TYR: variants seen among roughly 807,000 people sequenced by gnomAD.
TYR encodes the protein LB24-AB.
Under a neutral mutation model 51.5 loss-of-function variants are expected in TYR, and 58 were observed. The ratio of observed to expected loss-of-function variants is 1.13; its 90% CI spans 0.91 to 1.40. The LOEUF (loss-of-function observed/expected upper bound fraction) is 1.40, where lower values mean the gene tolerates loss of function less well. TYR is among the 40% of genes most tolerant of loss of function. The pLI is 0.00. For missense variants in TYR, 732 were observed against 647.4 expected, an observed-to-expected ratio of 1.13 and a Z score of -1.42; for synonymous variants, 263 against 235.2, an observed-to-expected ratio of 1.12 and a Z score of -1.08.
chr11:89,259,681 C>G (rs1426513749), intron 3 of TYR, among the ~76,000 whole-genome samples: 1 of 152,060 alleles, frequency 6.6e-6, no homozygotes, highest in Non-Finnish European at 1.5e-5. Context: ...CTTACCCTAC[C>G]TAAAACCAGA....
rs183578061 is a variant in TYR at position 89,236,974 on chromosome 11, G to A, written c.1184+9004G>A. Among the ~76,000 whole-genome samples, 602 of 152,208 alleles carry A rather than the reference G, an allele frequency of 4.0e-3. 5 individuals are homozygous for A. Among genetic ancestry groups the A allele is most frequent in the African/African-American group, 0.014 (575 of 41,526 alleles). ...TTCAGTGACCTCAGGTCGGTATCCT[G>A]AAATCAGCCATGGTGAGAGTATTTA... On this transcript the variant is annotated intron_variant, in intron 3 of 4. Transcript: ENST00000263321.
At chr11:89,202,721 G>C (rs1223476631) in intron 2 of TYR, among the ~76,000 whole-genome samples, 1 of 151,508 alleles carries the variant, frequency 6.6e-6, no homozygotes, top group African/African-American at 2.4e-5. Context: ...CAGGCATACA[G>C]GGCAGCTCTG....
chr11:89,197,412 C>T lies in TYR; in HGVS notation c.1036+5994C>T, dbSNP rs910854197. Reference sequence around the variant, plus strand: ...CTTCACTTTTAAAGAGTTATAAATTCATTCGTAATACATTAAATGTTAGCT... The same window carrying T: ...CTTCACTTTTAAAGAGTTATAAATTTATTCGTAATACATTAAATGTTAGCT... On this transcript the variant is annotated intron_variant, in intron 2 of 4. Coordinates refer to ENST00000263321, the MANE Select transcript of TYR (RefSeq NM_000372.5). 4.6e-5 allele frequency among the ~76,000 whole-genome samples: 7 copies of T among 152,122 alleles called. No homozygotes were observed. In the East Asian group the frequency reaches 1.3e-3, roughly 29 times the overall value.
chr11:89,265,846 A>G (rs1295739179), intron 3 of TYR, among the ~76,000 whole-genome samples: 2 of 152,068 alleles, frequency 1.3e-5, no homozygotes, highest in African/African-American at 4.8e-5. Flanking sequence ...AGCTTTTTTA[A>G]GACATACTTT....
chr11:89,206,345 T>C (rs1349515379), intron 2 of TYR, among the ~76,000 whole-genome samples: 3 of 152,124 alleles, frequency 2.0e-5, no homozygotes, highest in Non-Finnish European at 4.4e-5. Context: ...AAAGTGGCTA[T>C]ATTAATATCT....
intron 3 of TYR, among the ~76,000 whole-genome samples, chr11:89,258,181 T>C (rs1225078499): frequency 1.3e-5 from 2 of 152,072 alleles, no homozygotes; most frequent in Admixed American, 1.3e-4. Flanking sequence ...AAATGGATTC[T>C]ATCTGAACAC....
chr11:89,212,641 A>G (rs184661623), intron 2 of TYR, among the ~76,000 whole-genome samples: 3 of 152,330 alleles, frequency 2.0e-5, no homozygotes, highest in Admixed American at 1.3e-4. Flanking sequence ...CCGAAAAAGG[A>G]GAATTTTAGG....
chr11:89,295,209 T>A lies in TYR; in HGVS notation c.1433T>A (p.Leu478His). 6.2e-7 allele frequency: 1 copy of A among 1,613,994 alleles called. No homozygotes were observed. The highest frequency in any genetic ancestry group is 8.5e-7 in the Non-Finnish European group (1 of 1,179,874). The change falls in exon 5 of 5, where the codon CTC (leucine) becomes CAC (histidine). Residue 478 changes from leucine to histidine, a missense_variant. Transcript: ENST00000263321. ...CAAGCGAGTCGGATCTGGTCATGGC[T>A]CCTTGGGGCGGCGATGGTAGGGGCC... ...LEQASRIWSW[L>H]LGAAMVGAVL...
At chr11:89,207,889 A>C (rs1304397390) in intron 2 of TYR, among the ~76,000 whole-genome samples, 1 of 152,236 alleles carries the variant, frequency 6.6e-6, no homozygotes, top group African/African-American at 2.4e-5. Context: ...CAAGGTTACC[A>C]TTGAGGGAAA....
chr11:89,210,572 A>G (rs915149499), intron 2 of TYR, among the ~76,000 whole-genome samples: 27 of 152,196 alleles, frequency 1.8e-4, no homozygotes, highest in African/African-American at 6.3e-4. Context: ...AACTTCCCCA[A>G]CCTAGCAAGG....
intron 1 of TYR, among the ~76,000 whole-genome samples, chr11:89,186,441 T>C (rs1943373940): frequency 6.6e-6 from 1 of 152,110 alleles, no homozygotes; most frequent in Non-Finnish European, 1.5e-5. Flanking sequence ...CTGGGATGGG[T>C]CTTGGCTACC....
At chr11:89,278,448 T>C (rs1944682472) in intron 3 of TYR, among the ~76,000 whole-genome samples, 1 of 151,690 alleles carries the variant, frequency 6.6e-6, no homozygotes, top group Non-Finnish European at 1.5e-5. Flanking sequence ...TTTAAATATA[T>C]GAATGAATAA....
At chr11:89,257,735 A>G (rs1944410703) in intron 3 of TYR, among the ~76,000 whole-genome samples, 2 of 152,034 alleles carry the variant, frequency 1.3e-5, no homozygotes, top group Admixed American at 6.6e-5. Flanking sequence ...ATTAAATGTT[A>G]TATTTGCACT....
At chr11:89,270,960 G>A (rs1287411905) in intron 3 of TYR, among the ~76,000 whole-genome samples, 1 of 151,630 alleles carries the variant, frequency 6.6e-6, no homozygotes, top group Non-Finnish European at 1.5e-5. Flanking sequence ...TCAAATAACT[G>A]CAATGCAATA....
At chr11:89,236,626 A>G (rs1944118411) in intron 3 of TYR, among the ~76,000 whole-genome samples, 1 of 152,234 alleles carries the variant, frequency 6.6e-6, no homozygotes, top group South Asian at 2.1e-4. Flanking sequence ...CATCTGAGCC[A>G]TCCTCTCAAG....
chr11:89,237,296 C>G (rs138354878), intron 3 of TYR, among the ~76,000 whole-genome samples: 1 of 152,066 alleles, frequency 6.6e-6, no homozygotes, highest in African/African-American at 2.4e-5. Flanking sequence ...TGTCATGGAG[C>G]GTTCCCCCCA....
chr11:89,201,501 A>G (rs776016438), intron 2 of TYR, among the ~76,000 whole-genome samples: 1 of 152,190 alleles, frequency 6.6e-6, no homozygotes, highest in Non-Finnish European at 1.5e-5. Flanking sequence ...AAAGGCATGT[A>G]AAAAAAGATA....
intron 4 of TYR, among the ~76,000 whole-genome samples, chr11:89,288,495 G>T (rs762736754): frequency 3.9e-5 from 6 of 152,016 alleles, no homozygotes; most frequent in Non-Finnish European, 8.8e-5. Flanking sequence ...TGAGCCAGGG[G>T]AGAAGAGGCT....
chr11:89,253,431 TGA>T (rs1944352962), intron 3 of TYR, among the ~76,000 whole-genome samples: 1 of 151,848 alleles, frequency 6.6e-6, no homozygotes, highest in Non-Finnish European at 1.5e-5. Flanking sequence ...GTTTCAATAT[TGA>T]GTCTACCCAT....
Sources: allele counts gnomAD v4.1 joint callset (sites outside exome capture counted in the v4.1 genomes callset), GRCh38; gene constraint gnomAD v4.1.1; transcripts MANE v1.5; gene names NCBI Gene and HGNC (gene_info 2026-07-23, HGNC 2026-07-21).